Variants in CNGA3 observed in about 807,000 individuals in gnomAD.
CNGA3 encodes the protein cyclic nucleotide-gated channel alpha-3.
Under a neutral mutation model 46.6 loss-of-function variants are expected in CNGA3, and 42 were observed. The observed-to-expected ratio is 0.90, with a 90% confidence interval of 0.70 to 1.17. CNGA3 has a LOEUF of 1.17. Among genes scored for constraint, CNGA3 ranks in the 50% most tolerant of loss-of-function variants. The probability of loss-of-function intolerance (pLI) is 0.00; values close to 1 mark genes in which losing one functional copy is unlikely to be tolerated. For synonymous variants in CNGA3, 394 were observed against 369.4 expected (o/e 1.07, Z -0.76); for missense variants, 893 against 890.7 (o/e 1.00, Z -0.03).
intron 4 of CNGA3, among the ~76,000 whole-genome samples, 178 bp from the exon 5 acceptor site, chr2:98,383,210 T>C (rs112224897): frequency 5.9e-5 from 9 of 152,218 alleles, no homozygotes; most frequent in African/African-American, 2.2e-4. Context: ...CCGAGGTAAC[T>C]AATCACAAAG....
intron 1 of CNGA3, among the ~76,000 whole-genome samples, chr2:98,360,080 A>G (rs1289493969): frequency 1.3e-5 from 2 of 152,238 alleles, no homozygotes; most frequent in Non-Finnish European, 2.9e-5. Flanking sequence ...AGTTCCCTCA[A>G]TGACTTTGCA....
At chr2:98,389,856 C>A in intron 6 of CNGA3, 82 bp downstream of exon 6, 1 of 1,153,250 alleles carries the variant, frequency 8.7e-7, no homozygotes, top group South Asian at 1.3e-5. Context: ...ACCTCTCCCT[C>A]GGGAGGCCTG....
chr2:98,348,562 C>G (rs530336210), intron 1 of CNGA3, among the ~76,000 whole-genome samples: 1 of 152,324 alleles, frequency 6.6e-6, no homozygotes, highest in East Asian at 1.9e-4. Flanking sequence ...TCCCGCCCTC[C>G]CCTTCCTCCC....
At chr2:98,392,304 A>G (rs190799059) in intron 7 of CNGA3, among the ~76,000 whole-genome samples, 42 of 152,316 alleles carry the variant, frequency 2.8e-4, no homozygotes, top group Non-Finnish European at 4.9e-4. Flanking sequence ...TCACATCTGT[A>G]ATCCTAGGAC....
intron 6 of CNGA3, among the ~76,000 whole-genome samples, chr2:98,391,608 C>T (rs1166066931): frequency 2.6e-5 from 4 of 152,284 alleles, no homozygotes; most frequent in African/African-American, 7.2e-5. Context: ...TAGCTCTCTG[C>T]TGAGAGGCAA....
chr2:98,386,476 G>C (rs977367677), intron 5 of CNGA3, among the ~76,000 whole-genome samples: 1 of 152,154 alleles, frequency 6.6e-6, no homozygotes, highest in Non-Finnish European at 1.5e-5. Context: ...GACTCTTTGC[G>C]TGCCGCCACG....
chr2:98,376,799 T>C (rs1692414523), intron 2 of CNGA3, among the ~76,000 whole-genome samples: 1 of 152,244 alleles, frequency 6.6e-6, no homozygotes, highest in South Asian at 2.1e-4. Flanking sequence ...TAGAGGCTAA[T>C]GCCTGGCTGG....
chr2:98,356,798 T>A (rs964242915), intron 1 of CNGA3, among the ~76,000 whole-genome samples: 66 of 152,238 alleles, frequency 4.3e-4, no homozygotes, highest in Non-Finnish European at 2.5e-4. Flanking sequence ...AGCAAGGTTT[T>A]CTTTCGGAAG....
intron 1 of CNGA3, among the ~76,000 whole-genome samples, chr2:98,365,487 C>T (rs55756581): frequency 0.43 from 64,666 of 151,894 alleles, 14,557 homozygotes; most frequent in Non-Finnish European, 0.51. Context: ...CTGGATGATA[C>T]CCTGAAGTGT....
chr2:98,362,160 T>C (rs556774078), intron 1 of CNGA3, among the ~76,000 whole-genome samples: 1 of 150,892 alleles, frequency 6.6e-6, no homozygotes, highest in Non-Finnish European at 1.5e-5. Flanking sequence ...TGTCTTTTCA[T>C]GTCCTTTGCC....
intron 1 of CNGA3, among the ~76,000 whole-genome samples, chr2:98,368,591 C>G (rs767042256): frequency 6.6e-6 from 1 of 152,132 alleles, no homozygotes; most frequent in African/African-American, 2.4e-5. Context: ...GTGTAACTGC[C>G]CAAGGGGTTC....
chr2:98,379,912 TAAAG>T (rs1326363176), intron 3 of CNGA3: 3 of 558,194 alleles, frequency 5.4e-6, no homozygotes, highest in Non-Finnish European at 9.7e-6. Context: ...CAAATGGTAA[TAAAG>T]AGAGTGTCCC....
At chr2:98,347,958 C>G (rs1691680090) in intron 1 of CNGA3, among the ~76,000 whole-genome samples, 1 of 152,162 alleles carries the variant, frequency 6.6e-6, no homozygotes, top group African/African-American at 2.4e-5. Flanking sequence ...TCATGGGGGA[C>G]GCGGGTGGTT....
At chr2:98,382,559 T>C (rs1692563530) in intron 4 of CNGA3, among the ~76,000 whole-genome samples, 1 of 152,142 alleles carries the variant, frequency 6.6e-6, no homozygotes, top group Non-Finnish European at 1.5e-5. Context: ...GGTGGGGGTG[T>C]CGCCTGCCTC....
chr2:98,370,060 G>A lies in CNGA3; in HGVS notation c.85G>A (p.Glu29Lys). 4 of 1,613,572 alleles carry A rather than the reference G, an allele frequency of 2.5e-6. No individual in the cohort carries two copies. The Middle Eastern group carries it at 4.9e-4, about 200-fold the overall frequency. The change falls in exon 2 of 8, where the codon GAA becomes AAA. Residue 29 changes from glutamate to lysine, a missense_variant. Glu to Lys is a moderately conservative substitution (Grantham distance 56). This residue lies in a region of CNGA3 where 333 missense variants were observed against 290.8 expected (regional missense o/e 1.15). Coordinates refer to ENST00000272602, the MANE Select transcript of CNGA3 (RefSeq NM_001298.3). ...KTSDRDLNRA[E>K]NGLSRAHSSS... ...CTCAGACCGAGATCTCAATCGCGCT[G>A]AAAATGGCCTCAGCAGGTAAGATGG...
chr2:98,377,918 G>C (rs1692445414), intron 3 of CNGA3, 118 bp downstream of exon 3: 1 of 1,297,340 alleles, frequency 7.7e-7, no homozygotes, highest in Non-Finnish European at 1.1e-6. Flanking sequence ...GGAAAAGAAA[G>C]GGTCAGGAGC....
chr2:98,357,386 A>G (rs577375211), intron 1 of CNGA3, among the ~76,000 whole-genome samples: 6 of 152,336 alleles, frequency 3.9e-5, no homozygotes, highest in Non-Finnish European at 4.4e-5. Context: ...AGTGCTAAGT[A>G]AATGTGATGG....
chr2:98,376,292 T>C (rs747474580), intron 2 of CNGA3, among the ~76,000 whole-genome samples: 13 of 152,036 alleles, frequency 8.6e-5, no homozygotes, highest in Non-Finnish European at 1.8e-4. Flanking sequence ...CCCAGGAACT[T>C]GCTCACAGGA....
intron 1 of CNGA3, among the ~76,000 whole-genome samples, chr2:98,358,416 C>A (rs1233771419): frequency 6.6e-6 from 1 of 152,070 alleles, no homozygotes; most frequent in East Asian, 1.9e-4. Context: ...TAATGTCCCC[C>A]AGAGAAATAT....
Sources: gnomAD v4.1 joint callset for allele counts (sites outside exome capture counted in the v4.1 genomes callset) on GRCh38, gnomAD v4.1.1 for gene constraint, gnomAD v4.1.1 regional missense constraint, MANE v1.5 for transcripts, NCBI Gene and HGNC (gene_info 2026-07-23, HGNC 2026-07-21) for gene names.